Variants in OSBPL3 observed in about 807,000 individuals in gnomAD.
The protein encoded by OSBPL3 is oxysterol binding protein like 3.
In OSBPL3, 65 loss-of-function variants were observed where a neutral mutation model predicts 120.1. The observed-to-expected ratio is 0.54, with a 90% CI of 0.44 to 0.67. The LOEUF is 0.67. Ranked by LOEUF, OSBPL3 falls within the 30% of genes least tolerant of loss-of-function variation. OSBPL3 has a pLI of 0.00. For synonymous variants in OSBPL3, 416 were observed against 402.6 expected (o/e 1.03, Z -0.40); for missense variants, 1,004 against 1,082.1 (o/e 0.93, Z 1.01).
chr7:24,875,162 ACT>A (rs1017643423), intron 2 of OSBPL3, among the ~76,000 whole-genome samples: 2 of 152,054 alleles, frequency 1.3e-5, no homozygotes, highest in African/African-American at 2.4e-5. Context: ...ATGGAACCAA[ACT>A]CTGTTTCACA....
rs1816125678 is a variant in OSBPL3 at position 24,964,260 on chromosome 7, A to G, written c.-150+15626T>C. Reference sequence around the variant, plus strand: ...GAGCTGTGCATAATAACTTACTTCCAAAGAGTATAGTATGGAAAGGCGAAG... The same window carrying G: ...GAGCTGTGCATAATAACTTACTTCCGAAGAGTATAGTATGGAAAGGCGAAG... On this transcript the variant is annotated intron_variant, in intron 1 of 22. Transcript: ENST00000313367. This position sits in a 1 kb window ranked among gnomAD's most constrained non-coding sequence, Gnocchi z 4.2. Among the ~76,000 whole-genome samples, 1 of 152,220 alleles carries G rather than the reference A, an allele frequency of 6.6e-6. No homozygotes were observed. Among genetic ancestry groups the G allele is most frequent in the African/African-American group, 2.4e-5 (1 of 41,444 alleles).
intron 1 of OSBPL3, among the ~76,000 whole-genome samples, chr7:24,957,383 A>G (rs959630016): frequency 1.3e-5 from 2 of 152,214 alleles, no homozygotes; most frequent in Admixed American, 1.3e-4. Flanking sequence ...CTTCTTTCGT[A>G]ATGAATTCCA....
Position 24,903,433 on chromosome 7 carries a change from T to C in OSBPL3, c.-149-10812A>G, listed in dbSNP as rs117079976. ...TCACCGATAGACAATTCAAAGCTGA[T>C]AGGATTCCTGGGAGAGCGCACTTGC... On this transcript the variant is annotated intron_variant, in intron 1 of 22. Transcript: ENST00000313367. Among the ~76,000 whole-genome samples the C allele has an allele frequency of 4.4e-4, 67 of 152,376 alleles. 1 individual carries two copies. The East Asian group carries it at 0.012, about 26-fold the overall frequency.
intron 1 of OSBPL3, among the ~76,000 whole-genome samples, chr7:24,921,633 G>T (rs1345058235): frequency 6.6e-6 from 1 of 152,102 alleles, no homozygotes; most frequent in African/African-American, 2.4e-5. Context: ...GTACCTCTCA[G>T]TTACCCTAAA....
In OSBPL3 at chr7:24,947,168, G is replaced by A. The variant is rs887451938; in HGVS notation, c.-150+32718C>T. Among the ~76,000 whole-genome samples the A allele has an allele frequency of 2.0e-5, 3 of 152,252 alleles. No homozygotes were observed. Among genetic ancestry groups the A allele is most frequent in the African/African-American group, 7.2e-5 (3 of 41,556 alleles). On this transcript the variant is annotated intron_variant, in intron 1 of 22. Coordinates refer to ENST00000313367, the MANE Select transcript of OSBPL3 (RefSeq NM_015550.4). The surrounding 1 kb of genome is among the most constrained non-coding windows in gnomAD (Gnocchi z 4.4). ...AGAAAGGAGTAAAACAACAGATGGA[G>A]GTTCTAAGATTCTAAGGTCCCTTCT...
Position 24,803,342 on chromosome 7 carries a change from T to C in OSBPL3, c.2567+973A>G, listed in dbSNP as rs1243809330. The stretch of plus-strand genomic sequence containing the variant: ...TAAAATCATATAGGCCCTGGCCTGG[T>C]AGTGAGGAGAGTCAGGCCCCATTCC... On this transcript the variant is annotated intron_variant, in intron 22 of 22. Transcript: ENST00000313367. This position sits in a 1 kb window ranked among gnomAD's most constrained non-coding sequence, Gnocchi z 4.2. Among the ~76,000 whole-genome samples, 1 of 152,134 alleles carries C rather than the reference T, an allele frequency of 6.6e-6. No individual in the cohort carries two copies. Among genetic ancestry groups the C allele is most frequent in the Non-Finnish European group, 1.5e-5 (1 of 68,020 alleles).
rs117149088 is a variant in OSBPL3, at chr7:24,808,986, G to A, written c.2317+821C>T. Among the ~76,000 whole-genome samples the A allele has an allele frequency of 1.3e-5, 2 of 152,212 alleles. No individual in the cohort carries two copies. Among genetic ancestry groups the A allele is most frequent in the Non-Finnish European group, 2.9e-5 (2 of 68,020 alleles). Reference sequence around the variant, plus strand: ...TTGCATTCATTAGGGGAAACACCACGGCACACTGGGAGTAGCAGAATGTAT... The same window carrying A: ...TTGCATTCATTAGGGGAAACACCACAGCACACTGGGAGTAGCAGAATGTAT... On this transcript the variant is annotated intron_variant, in intron 20 of 22. Coordinates refer to ENST00000313367, the MANE Select transcript of OSBPL3 (RefSeq NM_015550.4). The surrounding 1 kb of genome is among the most constrained non-coding windows in gnomAD (Gnocchi z 4.6).
chr7:24,845,503 T>C (rs767549238), intron 12 of OSBPL3, among the ~76,000 whole-genome samples: 1 of 151,288 alleles, frequency 6.6e-6, no homozygotes, highest in Non-Finnish European at 1.5e-5. Flanking sequence ...ATTTACTTGT[T>C]AAAGTTTTAA....
At chr7:24,926,434 T>C (rs1212018625) in intron 1 of OSBPL3, among the ~76,000 whole-genome samples, 2 of 152,192 alleles carry the variant, frequency 1.3e-5, no homozygotes, top group Non-Finnish European at 2.9e-5. Flanking sequence ...AAAAAAGCTT[T>C]CCAGATGATT....
At chr7:24,845,584 T>C (rs1207915652) in intron 12 of OSBPL3, among the ~76,000 whole-genome samples, 2 of 150,602 alleles carry the variant, frequency 1.3e-5, no homozygotes, top group African/African-American at 4.9e-5. Context: ...TATCTCAGTC[T>C]GTCAATTTCA....
intron 1 of OSBPL3, among the ~76,000 whole-genome samples, chr7:24,927,105 A>C (rs950091780): frequency 1.3e-4 from 20 of 152,186 alleles, no homozygotes; most frequent in African/African-American, 4.6e-4. Flanking sequence ...TCTTTGACTC[A>C]GTTAGAAGCA....
intron 1 of OSBPL3, among the ~76,000 whole-genome samples, chr7:24,907,062 A>C (rs1808042389): frequency 6.6e-6 from 1 of 152,002 alleles, no homozygotes; most frequent in Non-Finnish European, 1.5e-5. Flanking sequence ...CAGAGCCCCC[A>C]GTAGTGTAGA....
rs189849976 is a variant in OSBPL3, at chr7:24,924,838, C to T, written c.-149-32217G>A. ...AGATACTTAGACCTATAGCTGCTCA[C>T]GGTTCTGCCTAGCAGTCACATTTGT... On this transcript the variant is annotated intron_variant, in intron 1 of 22. Transcript: ENST00000313367. 3.4e-3 allele frequency among the ~76,000 whole-genome samples: 525 copies of T among 152,316 alleles called. 1 individual carries two copies. Among genetic ancestry groups the T allele is most frequent in the Admixed American group, 5.0e-3 (76 of 15,294 alleles).
chr7:24,850,726 C>T (rs1226654713), intron 11 of OSBPL3, among the ~76,000 whole-genome samples: 2 of 152,218 alleles, frequency 1.3e-5, no homozygotes, highest in Admixed American at 6.5e-5. Flanking sequence ...AATCTTAGTA[C>T]AGCCTGAAAA....
intron 1 of OSBPL3, among the ~76,000 whole-genome samples, chr7:24,926,604 T>C (rs1811079614): frequency 6.6e-6 from 1 of 152,192 alleles, no homozygotes; most frequent in Non-Finnish European, 1.5e-5. Context: ...GTAGCAGCCA[T>C]GCCCACCCTT....
chr7:24,848,756 A>C (rs949539906), intron 12 of OSBPL3, among the ~76,000 whole-genome samples: 8 of 150,608 alleles, frequency 5.3e-5, no homozygotes, highest in South Asian at 2.1e-4. Context: ...GAAAATGTTT[A>C]TCTCTCTATA....
In OSBPL3 at chr7:24,916,071, C is replaced by A. The variant is rs371987867; in HGVS notation, c.-149-23450G>T. Among the ~76,000 whole-genome samples, 1 of 152,160 alleles carries A rather than the reference C, an allele frequency of 6.6e-6. No homozygotes were observed. The highest frequency in any genetic ancestry group is 2.4e-5 in the African/African-American group (1 of 41,436). On this transcript the variant is annotated intron_variant, in intron 1 of 22. Coordinates refer to ENST00000313367, the MANE Select transcript of OSBPL3 (RefSeq NM_015550.4). The surrounding 1 kb of genome is among the most constrained non-coding windows in gnomAD (Gnocchi z 4.9). ...GGCAGGGACAAAGGGAGAAGGCACT[C>A]GATGTTTATCATGTTGTCCTGTTAT...
chr7:24,845,408 A>G (rs1248067525), intron 12 of OSBPL3, among the ~76,000 whole-genome samples: 3 of 147,952 alleles, frequency 2.0e-5, no homozygotes, highest in Admixed American at 6.7e-5. Flanking sequence ...AAAAAAAAAA[A>G]AAAAAAGAAA....
chr7:24,917,427 T>TATATATATATATATATATATATATATA (rs1562924912), intron 1 of OSBPL3, among the ~76,000 whole-genome samples: 3 of 131,146 alleles, frequency 2.3e-5, no homozygotes, highest in Non-Finnish European at 3.2e-5. Context: ...TATATATATA[T>TATATATATATATATATATATATATATA]TTGTAACATA....
Sources: allele counts gnomAD v4.1 joint callset (sites outside exome capture counted in the v4.1 genomes callset), GRCh38; gene constraint gnomAD v4.1.1; non-coding constraint Gnocchi (gnomAD v3.1); transcripts MANE v1.5; gene names NCBI Gene and HGNC (gene_info 2026-07-23, HGNC 2026-07-21).